Variants in TBC1D8B observed in about 807,000 individuals in gnomAD.
TBC1D8B encodes RP11-321G1.1.
Under a neutral mutation model 82.9 loss-of-function variants are expected in TBC1D8B, and 75 were observed. The observed-to-expected ratio is 0.90, with a 90% CI of 0.75 to 1.10. The LOEUF (loss-of-function observed/expected upper bound fraction) is 1.10, where lower values mean the gene tolerates loss of function less well. Among genes scored for constraint, TBC1D8B ranks in the 50% least tolerant of loss-of-function variants. The probability of loss-of-function intolerance (pLI) is 0.00; values close to 1 mark genes in which losing one functional copy is unlikely to be tolerated. For missense variants in TBC1D8B, 794 were observed against 796.9 expected (o/e 1.00, Z 0.04); for synonymous variants, 276 against 276.8 (o/e 1.00, Z 0.03).
At chrX:106,807,991 T>C (rs958170524) in intron 1 of TBC1D8B, among the ~76,000 whole-genome samples, 1 of 110,232 alleles carries the variant, frequency 9.1e-6, no homozygotes, top group African/African-American at 3.3e-5. Context: ...AAGTGGAGGC[T>C]GCAGTGAACC....
chrX:106,867,665 C>T (rs1003300534), intron 17 of TBC1D8B, among the ~76,000 whole-genome samples: 6 of 111,395 alleles, frequency 5.4e-5, no homozygotes, highest in East Asian at 2.8e-4. Flanking sequence ...ACCTTTTAGC[C>T]GAGATGGGGT....
rs1186428332 is a variant in TBC1D8B at position 106,802,900 on chromosome X, T to G, written c.47T>G (p.Leu16Arg). The G allele has an allele frequency of 8.3e-7, 1 of 1,209,310 alleles. No individual in the cohort carries two copies. Among genetic ancestry groups the G allele is most frequent in the African/African-American group, 1.8e-5 (1 of 57,027 alleles). The change falls in exon 1 of 21, where the codon CTG (leucine) becomes CGG (arginine). Residue 16 changes from leucine (L) to arginine (R), a missense_variant. Physicochemically the swap from Leu to Arg is moderately radical, Grantham distance 102. Transcript: ENST00000357242. The stretch of plus-strand genomic sequence containing the variant: ...GTGCTTCTGAAAAATGCGCTGAAGC[T>G]GTGGCTGATGGAAAGGTCCAACGAC... Reference protein sequence around the residue: ...EEVLLKNALKLWLMERSNDYF... With the variant: ...EEVLLKNALKRWLMERSNDYF...
intron 10 of TBC1D8B, among the ~76,000 whole-genome samples, chrX:106,846,398 G>A (rs1207329245): frequency 4.9e-5 from 5 of 102,356 alleles, no homozygotes; most frequent in African/African-American, 1.8e-4. Flanking sequence ...ATGAGCCACC[G>A]CACCCGGCCT....
intron 7 of TBC1D8B, among the ~76,000 whole-genome samples, chrX:106,833,165 T>A (rs778197810): frequency 8.9e-6 from 1 of 111,848 alleles, no homozygotes; most frequent in Admixed American, 9.5e-5. Flanking sequence ...ATATAGTATT[T>A]TGTAGAAATT....
At chrX:106,860,319 G>A (rs964596934) in intron 14 of TBC1D8B, among the ~76,000 whole-genome samples, 13 of 103,590 alleles carry the variant, frequency 1.3e-4, no homozygotes, top group African/African-American at 4.6e-4. Context: ...GAATCCATCT[G>A]GTACTGGGCT....
intron 20 of TBC1D8B, among the ~76,000 whole-genome samples, chrX:106,873,314 G>A (rs942329565): frequency 5.4e-5 from 6 of 110,958 alleles, no homozygotes; most frequent in Non-Finnish European, 9.4e-5. Flanking sequence ...GGCTGGTCTC[G>A]AACTCCTGAC....
intron 1 of TBC1D8B, among the ~76,000 whole-genome samples, chrX:106,807,454 C>CTT (rs753069652): frequency 3.5e-5 from 3 of 85,684 alleles, no homozygotes; most frequent in African/African-American, 4.4e-5. Flanking sequence ...TTACCCTCAC[C>CTT]TTTTTTTTTT....
chrX:106,804,889 A>G (rs1310534313), intron 1 of TBC1D8B, among the ~76,000 whole-genome samples: 2 of 110,020 alleles, frequency 1.8e-5, no homozygotes, highest in African/African-American at 6.6e-5. Flanking sequence ...ACTCTGTCTC[A>G]AAAAGAAAAA....
chrX:106,846,806 G>A (rs1202378609), intron 10 of TBC1D8B, among the ~76,000 whole-genome samples: 1 of 111,699 alleles, frequency 9.0e-6, no homozygotes, highest in Non-Finnish European at 1.9e-5. Flanking sequence ...ATGAGCAATG[G>A]ACATGAAAGG....
At chrX:106,806,892 G>A (rs1331034287) in intron 1 of TBC1D8B, among the ~76,000 whole-genome samples, 1 of 111,382 alleles carries the variant, frequency 9.0e-6, no homozygotes, top group Non-Finnish European at 1.9e-5. Context: ...TATATAGACT[G>A]AGCAAATCAC....
In TBC1D8B at chrX:106,826,127, G is replaced by A. The variant is rs149013803; in HGVS notation, c.925G>A (p.Val309Ile). The change falls in exon 6 of 21, where the codon GTA (valine) becomes ATA (isoleucine). Residue 309 changes from valine to isoleucine, a missense_variant. By Grantham distance (29) the Val-to-Ile change is conservative. Coordinates refer to ENST00000357242, the MANE Select transcript of TBC1D8B (RefSeq NM_017752.3). The stretch of plus-strand genomic sequence containing the variant: ...AGAAGTACATGAATGTTTCTTATGG[G>A]TACCATTCAGCCACTTCAATACTCA... The part of the protein sequence containing the change: ...LKEVHECFLW[V>I]PFSHFNTHGK... The A allele has an allele frequency of 8.1e-4, 977 of 1,208,268 alleles. 6 individuals are homozygous for A. In the African/African-American group the frequency reaches 0.016, roughly 20 times the overall value.
At chrX:106,834,321 AACTC>A (rs1932116184) in intron 7 of TBC1D8B, among the ~76,000 whole-genome samples, 1 of 111,095 alleles carries the variant, frequency 9.0e-6, no homozygotes, top group Non-Finnish European at 1.9e-5. Context: ...ATCTCATGAG[AACTC>A]ACTCACTATC....
chrX:106,828,333 T>C (rs376700793), intron 7 of TBC1D8B: 1,897 of 73,738 alleles, frequency 0.026, no homozygotes, highest in Non-Finnish European at 0.029. Flanking sequence ...CAGGACCAGA[T>C]GGATTCACAG....
At position 106,827,663 on chromosome X, in the gene TBC1D8B, G is replaced by C. The variant is rs187496068; in HGVS notation, c.1203+326G>C. The C allele has an allele frequency of 1.1e-3, 172 of 161,416 alleles. No homozygotes were observed. The East Asian group carries it at 0.021, about 20-fold the overall frequency. 13.3% of individuals were successfully genotyped at this position (161,416 alleles called of 1,213,427 possible). A position where few individuals can be genotyped will look rare whatever the true frequency, so the allele number is the denominator to read the frequency against. ...AAGTCAAAATATATTTGAGAATTCA[G>C]TGAGGCCTCGAAAAAGGACTCCTCT... On this transcript the variant is annotated intron_variant, in intron 7 of 20. Transcript: ENST00000357242.
chrX:106,831,773 C>A lies in TBC1D8B; in HGVS notation c.1203+4436C>A, dbSNP rs1254077633. Among the ~76,000 whole-genome samples, 7 of 111,190 alleles carry A rather than the reference C, an allele frequency of 6.3e-5. No homozygotes were observed. The East Asian group carries it at 2.0e-3, about 31-fold the overall frequency. ...TTCTACAGTTTTCTAGTTTCTCACTCGTTTTTAGAGGTTTTAATAAATATA... is the reference window on the plus strand; with the variant it reads ...TTCTACAGTTTTCTAGTTTCTCACTAGTTTTTAGAGGTTTTAATAAATATA... On this transcript the variant is annotated intron_variant, in intron 7 of 20. Coordinates refer to ENST00000357242, the MANE Select transcript of TBC1D8B (RefSeq NM_017752.3).
Position 106,853,538 on chromosome X carries a change from C to G in TBC1D8B, c.2141C>G (p.Thr714Ser). The G allele has an allele frequency of 8.3e-7, 1 of 1,207,421 alleles. No individual in the cohort carries two copies. The highest frequency in any genetic ancestry group is 1.7e-5 in the African/African-American group (1 of 57,708). Residue 714 changes from threonine (T) to serine (S), a missense_variant, in exon 13 of 21, where the codon ACT becomes AGT. Thr to Ser is a moderately conservative substitution (Grantham distance 58). Transcript: ENST00000357242. ...TTCAATAGGTTCTTTGACAATGTCA[C>G]TAATAAGGATAGTCCATTGCCTTCA... ...TALNRFFDNV[T>S]NKDSPLPSNV...
In TBC1D8B at chrX:106,827,298, C is replaced by A; in HGVS notation, c.1164C>A (p.Cys388Ter). 1 of 1,210,543 alleles carries A rather than the reference C, an allele frequency of 8.3e-7. No individual in the cohort carries two copies. The highest frequency in any genetic ancestry group is 1.7e-5 in the African/African-American group (1 of 57,610). The change falls in exon 7 of 21, where the codon TGC becomes TGA. Residue 388 changes from cysteine to a stop codon, truncating the protein, a stop_gained. Coordinates refer to ENST00000357242, the MANE Select transcript of TBC1D8B (RefSeq NM_017752.3). LOFTEE classifies it high-confidence loss of function. Reference protein sequence around the residue: ...EQLVAKLRLRCGAASTQYHDI... With the variant: ...EQLVAKLRLR ...TGGTAGCAAAACTCAGGCTCAGATG[C>A]GGAGCAGCTTCAACTCAATATCATG...
chrX:106,803,046 G>C (rs1931077664), intron 1 of TBC1D8B, 63 bp downstream of exon 1: 6 of 1,094,720 alleles, frequency 5.5e-6, no homozygotes, highest in Non-Finnish European at 7.2e-6. Flanking sequence ...AGGTGGTGAG[G>C]ACAACAGTTA....
chrX:106,842,608 T>C (rs1286424712), intron 10 of TBC1D8B, among the ~76,000 whole-genome samples: 3 of 40,721 alleles, frequency 7.4e-5, no homozygotes, highest in Non-Finnish European at 1.3e-4. Flanking sequence ...TTGCTCTATC[T>C]ATCTATCTAT....
Sources: allele counts gnomAD v4.1 joint callset (sites outside exome capture counted in the v4.1 genomes callset), GRCh38; gene constraint gnomAD v4.1.1; transcripts MANE v1.5; gene names NCBI Gene and HGNC (gene_info 2026-07-23, HGNC 2026-07-21).